Variants in SPHKAP observed in about 807,000 individuals in gnomAD.
SPHKAP encodes A-kinase anchor protein SPHKAP.
Under a neutral mutation model 137.5 loss-of-function variants are expected in SPHKAP, and 67 were observed. The ratio of observed to expected loss-of-function variants is 0.49; its 90% confidence interval spans 0.40 to 0.60. SPHKAP has a LOEUF of 0.60. Among genes scored for constraint, SPHKAP ranks in the 20% least tolerant of loss-of-function variants. SPHKAP has a pLI of 0.00. For synonymous variants in SPHKAP, 813 were observed against 785.3 expected (o/e 1.04, Z -0.59); for missense variants, 2,097 against 2,069.3 (o/e 1.01, Z -0.26).
intron 3 of SPHKAP, among the ~76,000 whole-genome samples, chr2:228,098,999 A>G (rs570658057): frequency 9.2e-4 from 140 of 152,164 alleles, no homozygotes; most frequent in Admixed American, 3.9e-3. Flanking sequence ...TACTTTGTTT[A>G]TAGTCTCTTT....
intron 1 of SPHKAP, among the ~76,000 whole-genome samples, chr2:228,168,695 C>T (rs1424262589): frequency 1.3e-5 from 2 of 152,042 alleles, no homozygotes; most frequent in East Asian, 3.9e-4. Flanking sequence ...CAGTTAATGA[C>T]TCTGAAATGG....
chr2:228,145,986 G>T (rs866736356), intron 1 of SPHKAP, among the ~76,000 whole-genome samples: 15 of 152,192 alleles, frequency 9.9e-5, no homozygotes, highest in Non-Finnish European at 1.5e-4. Context: ...ATGATCCTCG[G>T]ATAACAAACA....
intron 1 of SPHKAP, among the ~76,000 whole-genome samples, chr2:228,144,248 T>C (rs1306071145): frequency 6.6e-6 from 1 of 152,206 alleles, no homozygotes; most frequent in Non-Finnish European, 1.5e-5. Flanking sequence ...CAATGTTCTA[T>C]AGAATGTATT....
At position 228,018,030 on chromosome 2, in the gene SPHKAP, T is replaced by G; in HGVS notation, c.2824A>C (p.Thr942Pro). The G allele has an allele frequency of 6.2e-7, 1 of 1,614,158 alleles. No individual in the cohort carries two copies. The highest frequency in any genetic ancestry group is 8.5e-7 in the Non-Finnish European group (1 of 1,180,026). ...TCAAGGCAAATCGCTGCAATTTCAG[T>G]TGCCATGGAGACGACCGTGTCTGCT... ...ELADTVVSMA[T>P]EIAAICLDNS... The change falls in exon 7 of 12, where the codon ACT (threonine) becomes CCT (proline). Residue 942 changes from threonine to proline, a missense_variant. Physicochemically the swap from Thr to Pro is conservative, Grantham distance 38. Transcript: ENST00000392056.
intron 9 of SPHKAP, 119 bp from the exon 10 acceptor site, chr2:227,991,445 G>A: frequency 6.4e-7 from 1 of 1,571,484 alleles, no homozygotes; most frequent in Non-Finnish European, 8.6e-7. Context: ...TGGATTTATT[G>A]TTTTTGTAGA....
intron 1 of SPHKAP, among the ~76,000 whole-genome samples, chr2:228,175,949 T>C (rs1326424805): frequency 1.3e-5 from 2 of 152,194 alleles, no homozygotes; most frequent in African/African-American, 4.8e-5. Flanking sequence ...GAAACCATCA[T>C]ATTTAGAGGA....
At chr2:228,072,737 A>C (rs1422863356) in intron 3 of SPHKAP, among the ~76,000 whole-genome samples, 1 of 152,092 alleles carries the variant, frequency 6.6e-6, no homozygotes, top group Admixed American at 6.5e-5. Flanking sequence ...TGCTGGAAAG[A>C]ACACTTGAAG....
intron 9 of SPHKAP, among the ~76,000 whole-genome samples, chr2:227,992,553 T>C (rs1477308172): frequency 6.6e-6 from 1 of 152,078 alleles, no homozygotes; most frequent in African/African-American, 2.4e-5. Context: ...AAGAGAAAAA[T>C]AAATTTACCC....
At chr2:228,077,219 G>A (rs1697214953) in intron 3 of SPHKAP, among the ~76,000 whole-genome samples, 1 of 152,190 alleles carries the variant, frequency 6.6e-6, no homozygotes, top group Non-Finnish European at 1.5e-5. Context: ...GAAGAGAAAT[G>A]TGGGGTCAGA....
At chr2:228,095,835 A>G (rs1697966841) in intron 3 of SPHKAP, among the ~76,000 whole-genome samples, 1 of 152,232 alleles carries the variant, frequency 6.6e-6, no homozygotes, top group South Asian at 2.1e-4. Context: ...TTCATTAACA[A>G]TGATGACCAT....
rs1291336926 is a variant in SPHKAP at position 228,181,369 on chromosome 2, C to T, written c.32+198G>A. Among the ~76,000 whole-genome samples the T allele has an allele frequency of 1.3e-5, 2 of 152,152 alleles. No homozygotes were observed. Among genetic ancestry groups the T allele is most frequent in the Non-Finnish European group, 2.9e-5 (2 of 68,026 alleles). On this transcript the variant is annotated intron_variant, in intron 1 of 11. Transcript: ENST00000392056. This position sits in a 1 kb window ranked among gnomAD's most constrained non-coding sequence, Gnocchi z 4.3. ...CGCACAGGCCCCACTCAGCATCGCG[C>T]CCTGTGGGGCAGTTGACAGGGTCCC...
At chr2:228,081,553 A>T (rs1697365381) in intron 3 of SPHKAP, among the ~76,000 whole-genome samples, 1 of 152,236 alleles carries the variant, frequency 6.6e-6, no homozygotes, top group Non-Finnish European at 1.5e-5. Context: ...CTAAGTGTCT[A>T]TCAGTGAATG....
rs1443284219 is a variant in SPHKAP, at chr2:228,016,565, T to A, written c.4289A>T (p.Gln1430Leu). The A allele has an allele frequency of 6.2e-7, 1 of 1,614,004 alleles. No homozygotes were observed. The highest frequency in any genetic ancestry group is 2.2e-5 in the East Asian group (1 of 44,888). The stretch of plus-strand genomic sequence containing the variant: ...GGCTTCTCTCTGATCTGTTTCAATC[T>A]GAATCAAAGGCACTTCCCTCGAGCA... Reference protein sequence around the residue: ...SLCSREVPLIQIETDQREACA... With the variant: ...SLCSREVPLILIETDQREACA... Residue 1430 changes from glutamine to leucine, a missense_variant, in exon 7 of 12, where the codon CAG becomes CTG. Physicochemically the swap from Gln to Leu is moderately radical, Grantham distance 113. Transcript: ENST00000392056.
At chr2:228,057,093 C>G (rs1696473933) in intron 3 of SPHKAP, among the ~76,000 whole-genome samples, 1 of 152,192 alleles carries the variant, frequency 6.6e-6, no homozygotes, top group Non-Finnish European at 1.5e-5. Flanking sequence ...TCCCTCACTT[C>G]TTTCTTTAAA....
At chr2:228,045,080 T>C (rs1695988270) in intron 3 of SPHKAP, among the ~76,000 whole-genome samples, 1 of 151,736 alleles carries the variant, frequency 6.6e-6, no homozygotes, top group African/African-American at 2.4e-5. Context: ...ATGGCAATCA[T>C]TAAAAAGTCA....
chr2:228,032,349 C>T (rs564564182), intron 3 of SPHKAP, among the ~76,000 whole-genome samples: 61 of 152,064 alleles, frequency 4.0e-4, no homozygotes, highest in Admixed American at 2.2e-3. Context: ...ATTAAAAAAA[C>T]GAACAAAGCC....
intron 2 of SPHKAP, among the ~76,000 whole-genome samples, chr2:228,111,449 G>A (rs1361858376): frequency 6.6e-6 from 1 of 152,128 alleles, no homozygotes; most frequent in Non-Finnish European, 1.5e-5. Context: ...GGCTGAAAAG[G>A]ATAATAGAAC....
intron 7 of SPHKAP, among the ~76,000 whole-genome samples, chr2:228,009,049 T>C (rs892104326): frequency 6.6e-6 from 1 of 152,222 alleles, no homozygotes; most frequent in Non-Finnish European, 1.5e-5. Context: ...AATGAATCTA[T>C]AGATTCAACT....
intron 3 of SPHKAP, among the ~76,000 whole-genome samples, chr2:228,083,079 T>C (rs1697414746): frequency 6.6e-6 from 1 of 152,298 alleles, no homozygotes; most frequent in South Asian, 2.1e-4. Context: ...ACTATTTCAC[T>C]TGTTAATATA....
Sources: gnomAD v4.1 joint callset for allele counts (sites outside exome capture counted in the v4.1 genomes callset) on GRCh38, gnomAD v4.1.1 for gene constraint, Gnocchi (gnomAD v3.1) non-coding constraint, MANE v1.5 for transcripts, NCBI Gene and HGNC (gene_info 2026-07-23, HGNC 2026-07-21) for gene names.